The following DNM1L variants were observed in gnomAD, a reference collection of about 807,000 sequenced individuals.
The protein encoded by DNM1L is dynamin 1L.
A neutral mutation model predicts 92.8 loss-of-function variants in DNM1L; 33 were observed. The ratio of observed to expected loss-of-function variants is 0.36; its 90% CI spans 0.27 to 0.48. The LOEUF (loss-of-function observed/expected upper bound fraction) is 0.48. Among genes scored for constraint, DNM1L ranks in the 20% least tolerant of loss-of-function variants. The pLI is 0.99. For missense variants in DNM1L, 485 were observed against 888.8 expected, an observed-to-expected ratio of 0.55 and a Z score of 5.78; for synonymous variants, 284 against 305.0, an observed-to-expected ratio of 0.93 and a Z score of 0.72.
Position 32,742,656 on chromosome 12 carries a change from G to A in DNM1L, c.2062G>A (p.Gly688Ser). 1.2e-6 allele frequency: 2 copies of A among 1,614,070 alleles called. No homozygotes were observed. The highest frequency in any genetic ancestry group is 1.7e-6 in the Non-Finnish European group (2 of 1,180,014). Residue 688 changes from glycine to serine, a missense_variant, in exon 19 of 20, where the codon GGC (glycine) becomes AGC (serine). Coordinates refer to ENST00000549701, the MANE Select transcript of DNM1L (RefSeq NM_012062.5). ...VKDTLQSELV[G>S]QLYKSSLLDD... ...AGACACTCTTCAGAGTGAGCTAGTA[G>A]GCCAGCTGTATAAATCATCCTTATT...
chr12:32,713,418 A>G (rs1432047810), intron 6 of DNM1L, 47 bp downstream of exon 6: 2 of 1,595,994 alleles, frequency 1.3e-6, no homozygotes, highest in Admixed American at 3.3e-5. Flanking sequence ...TACAATGGTA[A>G]ATCTACCCTT....
chr12:32,701,333 C>T (rs1239921775), intron 1 of DNM1L, 82 bp from the exon 2 acceptor site: 1 of 1,226,438 alleles, frequency 8.2e-7, no homozygotes, highest in Non-Finnish European at 1.2e-6. Context: ...ATTCTGTATG[C>T]TGGTTTGTTA....
chr12:32,718,017 A>G (rs1245672498), intron 6 of DNM1L, among the ~76,000 whole-genome samples: 6 of 125,984 alleles, frequency 4.8e-5, no homozygotes, highest in East Asian at 4.2e-4. Context: ...TATATAGTAT[A>G]TATATTATAA....
At chr12:32,727,043 T>TA in intron 9 of DNM1L, 1 of 734,610 alleles carries the variant, frequency 1.4e-6, no homozygotes, top group Non-Finnish European at 2.5e-6. Flanking sequence ...TAAAAACAGG[T>TA]AACCAAAATT....
At chr12:32,692,562 A>C (rs1480703434) in intron 1 of DNM1L, 1 of 154,262 alleles carries the variant, frequency 6.5e-6, no homozygotes, top group African/African-American at 2.4e-5. Flanking sequence ...TATTCCAAGA[A>C]TGAAGTCTTC....
Position 32,733,452 on chromosome 12 carries a change from T to C in DNM1L, c.1447-263T>C, listed in dbSNP as rs1034112151. The C allele has an allele frequency of 6.1e-5, 25 of 407,442 alleles. No homozygotes were observed. The Middle Eastern group carries it at 2.1e-3, about 34-fold the overall frequency. 25.2% of individuals were successfully genotyped at this position (407,442 alleles called of 1,614,324 possible). Reference sequence around the variant, plus strand: ...GTAGATGACTATTTTTCCCTAAGAGTAAAATACTTGTAGTTACTTTAATGT... The same window carrying C: ...GTAGATGACTATTTTTCCCTAAGAGCAAAATACTTGTAGTTACTTTAATGT... On this transcript the variant is annotated intron_variant, in intron 12 of 19. Coordinates refer to ENST00000549701, the MANE Select transcript of DNM1L (RefSeq NM_012062.5).
rs2389105 is a variant in DNM1L at position 32,731,433 on chromosome 12, G to C, written c.1278G>C (p.Glu426Asp). 1 of 1,614,146 alleles carries C rather than the reference G, an allele frequency of 6.2e-7. No individual in the cohort carries two copies. Among genetic ancestry groups the C allele is most frequent in the Non-Finnish European group, 8.5e-7 (1 of 1,180,032 alleles). The change falls in exon 11 of 20, where the codon GAG (glutamate) becomes GAC (aspartate). Residue 426 changes from glutamate (E) to aspartate (D), a missense_variant. Physicochemically the swap from Glu to Asp is conservative, Grantham distance 45 (BLOSUM62 2). Transcript: ENST00000549701. This position sits in a 1 kb window ranked among gnomAD's most constrained non-coding sequence, Gnocchi z 5.1. ...LVKRQIKRLE[E>D]PSLRCVELVH... Reference sequence around the variant, plus strand: ...AGCGGCAAATCAAACGTCTAGAAGAGCCCAGCCTCCGCTGTGTGGAACTGG... The same window carrying C: ...AGCGGCAAATCAAACGTCTAGAAGACCCCAGCCTCCGCTGTGTGGAACTGG...
intron 1 of DNM1L, among the ~76,000 whole-genome samples, chr12:32,688,228 A>G (rs985536495): frequency 2.0e-5 from 3 of 152,186 alleles, no homozygotes; most frequent in East Asian, 1.9e-4. Flanking sequence ...TGGGCCCCGT[A>G]TGAATTTTAG....
At chr12:32,692,791 G>A (rs1174799039) in intron 1 of DNM1L, 1 of 152,138 alleles carries the variant, frequency 6.6e-6, no homozygotes, top group Non-Finnish European at 1.5e-5. Flanking sequence ...GTATAATAGG[G>A]ATATATCAGG....
chr12:32,721,369 G>C (rs572224181), intron 8 of DNM1L, among the ~76,000 whole-genome samples: 26 of 152,026 alleles, frequency 1.7e-4, no homozygotes, highest in African/African-American at 5.1e-4. Flanking sequence ...ATCTTAATAA[G>C]GTTGATTTTC....
At chr12:32,687,528 C>T (rs1461271278) in intron 1 of DNM1L, among the ~76,000 whole-genome samples, 4 of 152,090 alleles carry the variant, frequency 2.6e-5, no homozygotes, top group Admixed American at 6.6e-5. Context: ...CTACAGCCTC[C>T]ACCTCCTGAG....
intron 1 of DNM1L, among the ~76,000 whole-genome samples, chr12:32,696,983 G>A (rs1311824111): frequency 6.6e-6 from 1 of 150,846 alleles, no homozygotes; most frequent in African/African-American, 2.4e-5. Context: ...TCCTATGACA[G>A]TAGGGAGGCC....
intron 16 of DNM1L, among the ~76,000 whole-genome samples, chr12:32,739,371 C>G (rs1254521932): frequency 3.3e-5 from 5 of 152,064 alleles, no homozygotes; most frequent in Admixed American, 3.3e-4. Flanking sequence ...TTCTAGAAAA[C>G]AAGGTACAAA....
At chr12:32,708,666 AAG>A (rs1315626747) in intron 4 of DNM1L, among the ~76,000 whole-genome samples, 4 of 152,112 alleles carry the variant, frequency 2.6e-5, no homozygotes, top group Non-Finnish European at 5.9e-5. Context: ...TGAAAGCAAA[AAG>A]AGACAAATTG....
chr12:32,738,144 A>T, intron 15 of DNM1L, 120 bp from the exon 16 acceptor site: 1 of 1,236,060 alleles, frequency 8.1e-7, no homozygotes, highest in East Asian at 2.4e-5. Context: ...CTTGCAATAT[A>T]GAAGATGCAC....
chr12:32,720,422 A>G (rs1317333756), intron 7 of DNM1L, among the ~76,000 whole-genome samples: 2 of 152,216 alleles, frequency 1.3e-5, no homozygotes, highest in African/African-American at 4.8e-5. Flanking sequence ...GTTACTTACA[A>G]TTCACTTAGT....
At chr12:32,702,266 G>C (rs1263070909) in intron 2 of DNM1L, among the ~76,000 whole-genome samples, 2 of 149,854 alleles carry the variant, frequency 1.3e-5, no homozygotes, top group African/African-American at 4.9e-5. Flanking sequence ...AAGAAAATAG[G>C]CATTGTCCTT....
At chr12:32,717,449 CTA>C (rs1308305829) in intron 6 of DNM1L, among the ~76,000 whole-genome samples, 2 of 50,956 alleles carry the variant, frequency 3.9e-5, no homozygotes, top group Non-Finnish European at 6.5e-5. Flanking sequence ...TAAATATATA[CTA>C]TATATATTTT....
chr12:32,684,633 A>AT (rs1299296092), intron 1 of DNM1L, among the ~76,000 whole-genome samples: 2 of 152,014 alleles, frequency 1.3e-5, no homozygotes, highest in South Asian at 4.1e-4. Flanking sequence ...CACCCAGCTA[A>AT]TTTTTTTGTA....
Sources: allele counts gnomAD v4.1 joint callset (sites outside exome capture counted in the v4.1 genomes callset), GRCh38; gene constraint gnomAD v4.1.1; non-coding constraint Gnocchi (gnomAD v3.1); transcripts MANE v1.5; gene names NCBI Gene and HGNC (gene_info 2026-07-23, HGNC 2026-07-21).